The following RBFOX1 variants were observed in gnomAD, a reference collection of about 807,000 sequenced individuals.
RBFOX1 encodes RNA binding fox-1 homolog 1.
RBFOX1 carries 8 observed loss-of-function variants against 57.7 expected under a neutral mutation model. That is an observed-to-expected ratio of 0.14 (90% CI 0.08 to 0.25). RBFOX1 has a LOEUF of 0.25. RBFOX1 is among the 10% of genes least tolerant of loss of function. The probability of loss-of-function intolerance (pLI) is 1.00; values close to 1 mark genes in which losing one functional copy is unlikely to be tolerated. For missense variants in RBFOX1, 611 were observed against 548.5 expected (o/e 1.11, Z -1.14); for synonymous variants, 326 against 222.4 (o/e 1.47, Z -4.15).
intron 3 of RBFOX1, among the ~76,000 whole-genome samples, chr16:6,894,009 T>C (rs550714391): frequency 6.6e-6 from 1 of 152,212 alleles, no homozygotes; most frequent in South Asian, 2.1e-4. Flanking sequence ...TGATGTCTTC[T>C]AATATCCCAA....
At chr16:5,549,275 G>C in intron 2 of RBFOX1, among the ~76,000 whole-genome samples, 1 of 152,158 alleles carries the variant, frequency 6.6e-6, no homozygotes, top group East Asian at 1.9e-4. Context: ...AGATACTTCT[G>C]TCTGTCTCAC....
At chr16:6,556,797 G>T (rs1163354889) in intron 2 of RBFOX1, among the ~76,000 whole-genome samples, 1 of 151,934 alleles carries the variant, frequency 6.6e-6, no homozygotes, top group East Asian at 1.9e-4. Context: ...GACCTGAAGA[G>T]GCTCATGTGA....
At chr16:6,520,679 C>T (rs28392674) in intron 2 of RBFOX1, among the ~76,000 whole-genome samples, 8,532 of 152,196 alleles carry the variant, frequency 0.056, 819 homozygotes, top group African/African-American at 0.19. Context: ...TTCTGCAGGG[C>T]CTCAGCAGCA....
At chr16:5,650,247 C>G (rs2049190533) in intron 3 of RBFOX1, among the ~76,000 whole-genome samples, 1 of 152,168 alleles carries the variant, frequency 6.6e-6, no homozygotes, top group South Asian at 2.1e-4. Flanking sequence ...GAGGCTGACT[C>G]TGATGGCCTC....
chr16:7,408,072 T>C (rs1182290726), intron 4 of RBFOX1, among the ~76,000 whole-genome samples: 2 of 152,172 alleles, frequency 1.3e-5, no homozygotes, highest in African/African-American at 4.8e-5. Flanking sequence ...GCTGGCAAGC[T>C]CCCTTAGGGA....
At chr16:6,421,755 A>G (rs2093777937) in intron 2 of RBFOX1, among the ~76,000 whole-genome samples, 1 of 152,080 alleles carries the variant, frequency 6.6e-6, no homozygotes, top group Admixed American at 6.5e-5. Context: ...TCTTTTCAAT[A>G]CGCAGGTTTA....
At chr16:7,165,275 A>T (rs2079184773) in intron 4 of RBFOX1, among the ~76,000 whole-genome samples, 1 of 151,914 alleles carries the variant, frequency 6.6e-6, no homozygotes, top group Non-Finnish European at 1.5e-5. Flanking sequence ...GCAAGGGGGC[A>T]GAGAGGGTGA....
chr16:7,178,304 A>C (rs1037661933), intron 4 of RBFOX1, among the ~76,000 whole-genome samples: 1 of 152,210 alleles, frequency 6.6e-6, no homozygotes, highest in Non-Finnish European at 1.5e-5. Context: ...GATTGACGTC[A>C]CTGAGAAAAA....
At chr16:6,420,992 C>T (rs1267325614) in intron 2 of RBFOX1, among the ~76,000 whole-genome samples, 1 of 152,204 alleles carries the variant, frequency 6.6e-6, no homozygotes, top group East Asian at 1.9e-4. Context: ...GCAGCGTGAA[C>T]ATCTCCCATC....
At chr16:6,970,866 C>G (rs573221106) in intron 3 of RBFOX1, among the ~76,000 whole-genome samples, 1 of 152,262 alleles carries the variant, frequency 6.6e-6, no homozygotes, top group Non-Finnish European at 1.5e-5. Context: ...GAAGGCTGTG[C>G]TAGTAAGAGA....
intron 4 of RBFOX1, among the ~76,000 whole-genome samples, chr16:7,153,001 G>A (rs569867658): frequency 2.6e-5 from 4 of 152,264 alleles, no homozygotes; most frequent in East Asian, 1.9e-4. Flanking sequence ...GAAAGAGAGT[G>A]TGTTCATTTG....
chr16:5,770,835 A>G (rs1423277651), intron 3 of RBFOX1, among the ~76,000 whole-genome samples: 1 of 152,226 alleles, frequency 6.6e-6, no homozygotes, highest in Admixed American at 6.5e-5. Context: ...CAAGCCCATG[A>G]CAGACATCAC....
chr16:7,197,154 G>A (rs906565462), intron 4 of RBFOX1, among the ~76,000 whole-genome samples: 3 of 152,168 alleles, frequency 2.0e-5, no homozygotes, highest in South Asian at 2.1e-4. Context: ...TCATTCTAGC[G>A]TTCTCTGGTT....
At chr16:5,361,120 T>C (rs187816784) in intron 1 of RBFOX1, among the ~76,000 whole-genome samples, 1 of 152,366 alleles carries the variant, frequency 6.6e-6, no homozygotes, top group Non-Finnish European at 1.5e-5. Context: ...CCTGTGGTTC[T>C]ATTGTCTTTT....
chr16:5,458,266 A>G (rs1450660493), intron 1 of RBFOX1, among the ~76,000 whole-genome samples: 1 of 151,822 alleles, frequency 6.6e-6, no homozygotes, highest in Non-Finnish European at 1.5e-5. Flanking sequence ...CATGTGCTGC[A>G]TGTAGTCATT....
At chr16:6,264,004 T>G (rs561960712) in intron 1 of RBFOX1, among the ~76,000 whole-genome samples, 1 of 152,296 alleles carries the variant, frequency 6.6e-6, no homozygotes, top group East Asian at 1.9e-4. Context: ...AGGATTTACC[T>G]TAGGTAAATT....
At chr16:5,725,865 G>C (rs1270955541) in intron 3 of RBFOX1, among the ~76,000 whole-genome samples, 2 of 151,928 alleles carry the variant, frequency 1.3e-5, no homozygotes, top group Admixed American at 6.6e-5. Context: ...GCATGAGGAG[G>C]CTGCTGGGTT....
chr16:7,158,685 G>T (rs1413857126), intron 4 of RBFOX1, among the ~76,000 whole-genome samples: 1 of 141,484 alleles, frequency 7.1e-6, no homozygotes, highest in Non-Finnish European at 1.6e-5. Context: ...TGTGTATGGT[G>T]TGTCTGTGTG....
chr16:5,781,587 C>G (rs138534260), intron 3 of RBFOX1, among the ~76,000 whole-genome samples: 93 of 152,346 alleles, frequency 6.1e-4, no homozygotes, highest in African/African-American at 2.2e-3. Flanking sequence ...CATACGGACT[C>G]CGCCGCAACC....
Sources: allele counts gnomAD v4.1 joint callset (sites outside exome capture counted in the v4.1 genomes callset), GRCh38; gene constraint gnomAD v4.1.1; transcripts MANE v1.5; gene names NCBI Gene and HGNC (gene_info 2026-07-23, HGNC 2026-07-21).